The following CHRM3 variants were observed in gnomAD, a reference collection of about 807,000 sequenced individuals.
CHRM3 encodes the protein cholinergic receptor muscarinic 3, also known as muscarinic acetylcholine receptor M3.
A neutral mutation model predicts 41.8 loss-of-function variants in CHRM3; 11 were observed. That is an observed-to-expected ratio of 0.26 (90% confidence interval 0.17 to 0.44). The LOEUF is 0.44. Ranked by LOEUF, CHRM3 falls within the 20% of genes least tolerant of loss-of-function variation. The pLI is 1.00. For missense variants in CHRM3, 571 were observed against 745.4 expected (o/e 0.77, Z 2.72); for synonymous variants, 297 against 301.4 (o/e 0.99, Z 0.15).
At chr1:239,860,123 G>C (rs1025827436) in intron 6 of CHRM3, among the ~76,000 whole-genome samples, 1 of 152,108 alleles carries the variant, frequency 6.6e-6, no homozygotes, top group Non-Finnish European at 1.5e-5. Context: ...CAGATGATTA[G>C]AATTTCTCAG....
chr1:239,908,565 C>T lies in CHRM3; in HGVS notation c.1114C>T (p.Pro372Ser), dbSNP rs1680150771. The change falls in exon 7 of 7, where the codon CCG becomes TCG. Residue 372 changes from proline (P) to serine (S), a missense_variant. Physicochemically the swap from Pro to Ser is moderately conservative, Grantham distance 74. This residue lies in a region of CHRM3 where 239 missense variants were observed against 239.6 expected (regional missense o/e 1.00). Transcript: ENST00000676153. This position sits in a 1 kb window ranked among gnomAD's most constrained non-coding sequence, Gnocchi z 7.2. ...RAIYSIVLKL[P>S]GHSTILNSTK... is the part of the protein sequence containing the mutation. ...CATCTACTCCATCGTGCTCAAGCTT[C>T]CGGGTCACAGCACCATCCTCAACTC... The T allele has an allele frequency of 6.3e-7, 1 of 1,589,572 alleles. No homozygotes were observed.
chr1:239,891,041 C>T (rs140533193), intron 6 of CHRM3, among the ~76,000 whole-genome samples: 108 of 152,216 alleles, frequency 7.1e-4, no homozygotes, highest in East Asian at 2.7e-3. Flanking sequence ...CCTAGGTGTA[C>T]GCGGACAGTT....
intron 5 of CHRM3, among the ~76,000 whole-genome samples, chr1:239,755,685 A>G (rs539035295): frequency 6.6e-6 from 1 of 152,292 alleles, no homozygotes; most frequent in South Asian, 2.1e-4. Context: ...AGCCAGCACA[A>G]TGGGTAGTTT....
chr1:239,618,729 A>C (rs964354955), intron 3 of CHRM3, among the ~76,000 whole-genome samples: 1 of 149,070 alleles, frequency 6.7e-6, no homozygotes, highest in Admixed American at 6.7e-5. Context: ...CTGTAGTCCC[A>C]GCTACTTGGG....
intron 6 of CHRM3, among the ~76,000 whole-genome samples, chr1:239,868,073 T>G (rs1331035129): frequency 6.6e-6 from 1 of 152,156 alleles, no homozygotes; most frequent in African/African-American, 2.4e-5. Flanking sequence ...ACCAAACACT[T>G]AATTATTGCT....
intron 2 of CHRM3, among the ~76,000 whole-genome samples, chr1:239,525,251 C>T (rs1341361452): frequency 6.6e-6 from 1 of 152,152 alleles, no homozygotes; most frequent in Non-Finnish European, 1.5e-5. Flanking sequence ...GGTGGGTGAA[C>T]TGCTGGAGTC....
intron 5 of CHRM3, among the ~76,000 whole-genome samples, chr1:239,690,170 C>T (rs1465115321): frequency 6.6e-6 from 1 of 152,118 alleles, no homozygotes; most frequent in Non-Finnish European, 1.5e-5. Context: ...CAATTTATTT[C>T]TCCAACTTTG....
chr1:239,662,105 A>ATGTGTGTG (rs57202092), intron 4 of CHRM3, among the ~76,000 whole-genome samples: 2,291 of 144,798 alleles, frequency 0.016, 66 homozygotes, highest in African/African-American at 0.05. Flanking sequence ...TCAGTTTTAG[A>ATGTGTGTG]TGTGTGTGTG....
chr1:239,693,178 A>G (rs947497524), intron 5 of CHRM3, among the ~76,000 whole-genome samples: 1 of 151,812 alleles, frequency 6.6e-6, no homozygotes, highest in East Asian at 1.9e-4. Context: ...TTCAAAGTAG[A>G]CTCTCTCCAT....
At chr1:239,523,749 G>A (rs1433664212) in intron 2 of CHRM3, among the ~76,000 whole-genome samples, 3 of 152,174 alleles carry the variant, frequency 2.0e-5, no homozygotes, top group Admixed American at 6.6e-5. Context: ...CAGGAGGGCC[G>A]AAAGCATAGC....
intron 5 of CHRM3, among the ~76,000 whole-genome samples, chr1:239,754,238 A>G (rs1271119485): frequency 6.6e-6 from 1 of 152,250 alleles, no homozygotes; most frequent in Non-Finnish European, 1.5e-5. Flanking sequence ...TATAAAGTAT[A>G]AATATTTGTG....
chr1:239,874,324 T>TATATATATATAC (rs1558199394), intron 6 of CHRM3, among the ~76,000 whole-genome samples: 1 of 118,572 alleles, frequency 8.4e-6, no homozygotes, highest in African/African-American at 3.0e-5. Context: ...TATATATATA[T>TATATATATATAC]ATACACAGTT....
chr1:239,510,096 A>G (rs931362634), intron 2 of CHRM3, among the ~76,000 whole-genome samples: 2 of 152,178 alleles, frequency 1.3e-5, no homozygotes, highest in African/African-American at 4.8e-5. Flanking sequence ...AAACAAACAA[A>G]CAAACAAAGT....
At chr1:239,433,207 C>T (rs1033700918) in intron 1 of CHRM3, among the ~76,000 whole-genome samples, 5 of 152,160 alleles carry the variant, frequency 3.3e-5, no homozygotes, top group Non-Finnish European at 7.3e-5. Context: ...TATAGTCTCA[C>T]ATTAGATACT....
At chr1:239,746,800 C>T (rs1255497859) in intron 5 of CHRM3, among the ~76,000 whole-genome samples, 1 of 151,946 alleles carries the variant, frequency 6.6e-6, no homozygotes, top group African/African-American at 2.4e-5. Flanking sequence ...CTCTGTCACC[C>T]AGGCTGGAGT....
intron 5 of CHRM3, among the ~76,000 whole-genome samples, chr1:239,819,992 A>G (rs556736379): frequency 1.3e-5 from 2 of 152,236 alleles, no homozygotes; most frequent in South Asian, 4.1e-4. Flanking sequence ...CTGGGCAGTG[A>G]GAAGGTGGGT....
At chr1:239,899,699 A>G (rs1474687660) in intron 6 of CHRM3, 2 of 152,104 alleles carry the variant, frequency 1.3e-5, no homozygotes, top group Non-Finnish European at 1.5e-5. Context: ...TATCGTATAT[A>G]TATACTAAGT....
intron 3 of CHRM3, among the ~76,000 whole-genome samples, chr1:239,561,576 A>G (rs1338501828): frequency 6.6e-6 from 1 of 151,904 alleles, no homozygotes; most frequent in Non-Finnish European, 1.5e-5. Flanking sequence ...TTCTCTTCAT[A>G]AAGAATATTA....
intron 1 of CHRM3, among the ~76,000 whole-genome samples, chr1:239,439,363 G>A (rs1435994700): frequency 1.3e-5 from 2 of 152,042 alleles, no homozygotes; most frequent in Admixed American, 6.6e-5. Flanking sequence ...GTTACTCATG[G>A]GAAAATGTGA....
Sources: allele counts gnomAD v4.1 joint callset (sites outside exome capture counted in the v4.1 genomes callset), GRCh38; gene constraint gnomAD v4.1.1; regional missense constraint gnomAD v4.1.1; non-coding constraint Gnocchi (gnomAD v3.1); transcripts MANE v1.5; gene names NCBI Gene and HGNC (gene_info 2026-07-23, HGNC 2026-07-21).